The following ZMPSTE24 variants were observed in gnomAD, a reference collection of about 807,000 sequenced individuals.
ZMPSTE24 encodes the protein zinc metallopeptidase STE24, also known as CAAX prenyl protease 1 homolog.
In ZMPSTE24, 48 loss-of-function variants were observed where a neutral mutation model predicts 56.7. The ratio of observed to expected loss-of-function variants is 0.85; its 90% CI spans 0.67 to 1.08. The LOEUF is 1.08. Among genes scored for constraint, ZMPSTE24 ranks in the 50% least tolerant of loss-of-function variants. The pLI is 0.00. For synonymous variants in ZMPSTE24, 172 were observed against 195.2 expected (o/e 0.88, Z 0.99); for missense variants, 503 against 548.7 (o/e 0.92, Z 0.83).
chr1:40,285,633 A>G (rs1643779537), intron 7 of ZMPSTE24, among the ~76,000 whole-genome samples: 1 of 152,222 alleles, frequency 6.6e-6, no homozygotes, highest in Admixed American at 6.5e-5. Flanking sequence ...GTCCCATTAT[A>G]AAGATTTCTA....
chr1:40,276,249 T>C (rs1437737588), intron 6 of ZMPSTE24, among the ~76,000 whole-genome samples: 1 of 152,220 alleles, frequency 6.6e-6, no homozygotes, highest in Non-Finnish European at 1.5e-5. Flanking sequence ...TGTATGAGTC[T>C]GGAGTTTTAG....
chr1:40,262,855 C>G (rs746063525), intron 2 of ZMPSTE24: 3 of 1,143,074 alleles, frequency 2.6e-6, no homozygotes, highest in Non-Finnish European at 1.1e-6. Context: ...TGTTGAACAA[C>G]TTAACAACAC....
At chr1:40,269,318 C>T (rs1261171338) in intron 4 of ZMPSTE24, among the ~76,000 whole-genome samples, 28 of 151,794 alleles carry the variant, frequency 1.8e-4, no homozygotes, top group Admixed American at 1.8e-3. Context: ...TTGCTTGAGC[C>T]CAGGAGGTTG....
chr1:40,290,952 T>G lies in ZMPSTE24; in HGVS notation c.1158T>G (p.Ile386Met), dbSNP rs758686044. 1.2e-6 allele frequency: 2 copies of G among 1,614,184 alleles called. No homozygotes were observed. The highest frequency in any genetic ancestry group is 1.7e-5 in the Admixed American group (1 of 60,026). Reference protein sequence around the residue: ...FGFYDSQPTLIGLLIIFQFIF... With the variant: ...FGFYDSQPTLMGLLIIFQFIF... Reference sequence around the variant, plus strand: ...TTTATGATAGCCAACCCACTCTTATTGGACTATTGATCATCTTCCAGTTTA... The same window carrying G: ...TTTATGATAGCCAACCCACTCTTATGGGACTATTGATCATCTTCCAGTTTA... Residue 386 changes from isoleucine to methionine, a missense_variant, in exon 9 of 10, where the codon ATT (isoleucine) becomes ATG (methionine). Physicochemically the swap from Ile to Met is conservative, Grantham distance 10 (BLOSUM62 1). Coordinates refer to ENST00000372759, the MANE Select transcript of ZMPSTE24 (RefSeq NM_005857.5).
At chr1:40,261,107 A>G in intron 2 of ZMPSTE24, 122 bp downstream of exon 2, 1 of 1,247,320 alleles carries the variant, frequency 8.0e-7, no homozygotes. Context: ...TTTGTTATTG[A>G]TAGTAACGGC....
chr1:40,277,910 A>G (rs902821726), intron 6 of ZMPSTE24, among the ~76,000 whole-genome samples: 1 of 143,134 alleles, frequency 7.0e-6, no homozygotes. Flanking sequence ...CGGAGGCTGC[A>G]GTGAGCAGAG....
intron 6 of ZMPSTE24, among the ~76,000 whole-genome samples, chr1:40,279,942 C>T (rs916352128): frequency 3.3e-5 from 5 of 152,178 alleles, no homozygotes; most frequent in Admixed American, 6.5e-5. Flanking sequence ...ACCCACTGAG[C>T]TGGTCATCGC....
chr1:40,263,235 CA>C (rs1230176634), intron 2 of ZMPSTE24, among the ~76,000 whole-genome samples: 4 of 152,134 alleles, frequency 2.6e-5, no homozygotes, highest in Admixed American at 6.5e-5. Flanking sequence ...TACTGTGGCT[CA>C]AACTAGAAGC....
chr1:40,268,594 C>G, intron 4 of ZMPSTE24, 59 bp downstream of exon 4: 1 of 1,107,998 alleles, frequency 9.0e-7, no homozygotes, highest in South Asian at 1.3e-5. Context: ...TGCTTTTGTC[C>G]TGTACTGTTT....
intron 2 of ZMPSTE24, 75 bp downstream of exon 2, chr1:40,261,060 G>A (rs1242053955): frequency 6.4e-7 from 1 of 1,555,870 alleles, no homozygotes; most frequent in African/African-American, 1.4e-5. Context: ...ACAAAAGAGG[G>A]TACCACACTT....
At chr1:40,288,974 A>G (rs979165469) in intron 8 of ZMPSTE24, among the ~76,000 whole-genome samples, 52 of 152,126 alleles carry the variant, frequency 3.4e-4, no homozygotes, top group African/African-American at 1.3e-3. Context: ...ACTGCCTTCC[A>G]AGACCATCCC....
chr1:40,281,069 T>G (rs970993623), intron 6 of ZMPSTE24, among the ~76,000 whole-genome samples: 2 of 152,236 alleles, frequency 1.3e-5, no homozygotes, highest in African/African-American at 4.8e-5. Context: ...AAATTCCATT[T>G]CATAGTTTTA....
At chr1:40,279,911 T>C (rs1040614953) in intron 6 of ZMPSTE24, among the ~76,000 whole-genome samples, 10 of 152,174 alleles carry the variant, frequency 6.6e-5, no homozygotes, top group African/African-American at 2.4e-4. Flanking sequence ...TGGGAAGTGC[T>C]TTGGAGCTTC....
Position 40,292,501 on chromosome 1 carries a change from A to G in ZMPSTE24, c.1260A>G (p.Ala420=), listed in dbSNP as rs752540880. ...LSRRFEFQAD[A]FAKKLGKAKD... ...GCAGATTTGAGTTTCAAGCTGATGC[A>G]TTTGCCAAGAAACTTGGGAAGGCTA... Residue 420 remains alanine (A), a synonymous_variant, in exon 10 of 10, where the codon GCA becomes GCG. Transcript: ENST00000372759. The G allele has an allele frequency of 8.1e-6, 13 of 1,613,982 alleles. No individual in the cohort carries two copies. The highest frequency in any genetic ancestry group is 1.3e-5 in the African/African-American group (1 of 74,924).
intron 7 of ZMPSTE24, among the ~76,000 whole-genome samples, chr1:40,282,207 A>G (rs183527931): frequency 2.0e-5 from 3 of 152,350 alleles, no homozygotes; most frequent in Admixed American, 1.3e-4. Flanking sequence ...TTCTAGATAT[A>G]GTAACTGGAG....
At chr1:40,289,925 A>C (rs552033136) in intron 8 of ZMPSTE24, among the ~76,000 whole-genome samples, 84 of 152,240 alleles carry the variant, frequency 5.5e-4, no homozygotes, top group Non-Finnish European at 1.1e-3. Flanking sequence ...CAAGGCCAGA[A>C]TCCATTCTAG....
chr1:40,266,621 A>C (rs758440149), intron 2 of ZMPSTE24, among the ~76,000 whole-genome samples: 95 of 152,262 alleles, frequency 6.2e-4, no homozygotes, highest in Non-Finnish European at 1.1e-3. Context: ...CAGTTTAGTA[A>C]GTGGACATGA....
At chr1:40,279,236 G>C (rs1223221346) in intron 6 of ZMPSTE24, among the ~76,000 whole-genome samples, 1 of 152,138 alleles carries the variant, frequency 6.6e-6, no homozygotes, top group African/African-American at 2.4e-5. Flanking sequence ...GAAAAGAAAG[G>C]AAACAAAAAT....
chr1:40,271,308 G>T (rs917916599), intron 5 of ZMPSTE24, among the ~76,000 whole-genome samples: 1 of 152,156 alleles, frequency 6.6e-6, no homozygotes, highest in African/African-American at 2.4e-5. Context: ...GAAAATGGGC[G>T]CTAGTTGGAT....
Sources: gnomAD v4.1 joint callset for allele counts (sites outside exome capture counted in the v4.1 genomes callset) on GRCh38, gnomAD v4.1.1 for gene constraint, MANE v1.5 for transcripts, NCBI Gene and HGNC (gene_info 2026-07-23, HGNC 2026-07-21) for gene names.